Variants in CSMD1 observed in about 807,000 individuals in gnomAD.
CSMD1 encodes CUB and Sushi multiple domains 1.
CSMD1 carries 213 observed loss-of-function variants against 417.5 expected under a neutral mutation model. The ratio of observed to expected loss-of-function variants is 0.51; its 90% CI spans 0.46 to 0.57. The LOEUF is 0.57. Ranked by LOEUF, CSMD1 falls within the 20% of genes least tolerant of loss-of-function variation. CSMD1 has a pLI of 0.00. For synonymous variants in CSMD1, 2,862 were observed against 1,736.8 expected, an observed-to-expected ratio of 1.65 and a Z score of -16.11; for missense variants, 6,923 against 4,529.7, an observed-to-expected ratio of 1.53 and a Z score of -15.17.
At chr8:3,707,818 G>A (rs936171610) in intron 7 of CSMD1, among the ~76,000 whole-genome samples, 1 of 152,168 alleles carries the variant, frequency 6.6e-6, no homozygotes, top group Admixed American at 6.5e-5. Context: ...GAGTGATGAC[G>A]ATGGGCATTT....
At chr8:4,035,958 G>A (rs1479157524) in intron 3 of CSMD1, among the ~76,000 whole-genome samples, 3 of 152,068 alleles carry the variant, frequency 2.0e-5, no homozygotes, top group African/African-American at 4.8e-5. Context: ...CACGGTAAGT[G>A]TCCTATGAGA....
At chr8:3,629,834 C>G (rs149211195) in intron 7 of CSMD1, among the ~76,000 whole-genome samples, 54 of 152,296 alleles carry the variant, frequency 3.5e-4, no homozygotes, top group African/African-American at 1.1e-3. Flanking sequence ...GTCAGAAACA[C>G]AGGGTTTGAT....
intron 49 of CSMD1, among the ~76,000 whole-genome samples, chr8:3,058,623 T>G (rs540419830): frequency 1.3e-5 from 2 of 152,200 alleles, no homozygotes; most frequent in East Asian, 1.9e-4. Context: ...TTCTCAAACA[T>G]TAATGTGCTC....
At chr8:4,241,994 G>C (rs1289875993) in intron 3 of CSMD1, among the ~76,000 whole-genome samples, 2 of 152,216 alleles carry the variant, frequency 1.3e-5, no homozygotes, top group Non-Finnish European at 2.9e-5. Context: ...GTGCTTTAAA[G>C]TAAATGAGAC....
chr8:4,065,339 T>G (rs1799188470), intron 3 of CSMD1, among the ~76,000 whole-genome samples: 2 of 152,340 alleles, frequency 1.3e-5, no homozygotes, highest in African/African-American at 4.8e-5. Flanking sequence ...AGAATAAGGC[T>G]GGTGTTCACC....
chr8:3,206,224 C>CTG (rs993704835), intron 30 of CSMD1, among the ~76,000 whole-genome samples: 4 of 117,510 alleles, frequency 3.4e-5, no homozygotes, highest in African/African-American at 3.4e-5. Flanking sequence ...GTGTGTGTGT[C>CTG]TGTGTGTGTG....
intron 4 of CSMD1, among the ~76,000 whole-genome samples, chr8:4,009,873 G>T (rs753688810): frequency 6.6e-6 from 1 of 151,896 alleles, no homozygotes; most frequent in Non-Finnish European, 1.5e-5. Flanking sequence ...GGGTACTCTC[G>T]TACATCCTTT....
At chr8:4,059,442 C>G (rs929052778) in intron 3 of CSMD1, among the ~76,000 whole-genome samples, 35 of 152,088 alleles carry the variant, frequency 2.3e-4, no homozygotes, top group Non-Finnish European at 4.6e-4. Flanking sequence ...TAACTAAAAT[C>G]AGAGCAGAAC....
In CSMD1 at chr8:3,777,802, C is replaced by T. The variant is rs1482169847; in HGVS notation, c.819-23760G>A. Among the ~76,000 whole-genome samples the T allele has an allele frequency of 2.0e-5, 3 of 148,560 alleles. No homozygotes were observed. The East Asian group carries it at 5.9e-4, about 29-fold the overall frequency. ...CCAGACCCACAGCCTCCTTGAAGCG[C>T]AGAGTCTCAGTTCCCACTCCAGACC... On this transcript the variant is annotated intron_variant, in intron 5 of 69. Transcript: ENST00000635120.
intron 18 of CSMD1, among the ~76,000 whole-genome samples, chr8:3,369,817 C>A (rs185618498): frequency 6.6e-6 from 1 of 152,296 alleles, no homozygotes; most frequent in East Asian, 1.9e-4. Context: ...AAAGTGGCAA[C>A]AATTAGGATG....
At chr8:4,407,437 A>T (rs562709335) in intron 3 of CSMD1, among the ~76,000 whole-genome samples, 1 of 152,236 alleles carries the variant, frequency 6.6e-6, no homozygotes, top group Non-Finnish European at 1.5e-5. Flanking sequence ...ATTGAATTAA[A>T]TGTGATTAAA....
intron 3 of CSMD1, among the ~76,000 whole-genome samples, chr8:4,179,923 A>C (rs1037114779): frequency 1.2e-4 from 19 of 152,144 alleles, no homozygotes; most frequent in Non-Finnish European, 2.4e-4. Context: ...AAAAGTCAGG[A>C]AACAAAAGGT....
chr8:3,652,614 G>T (rs111890042), intron 7 of CSMD1, among the ~76,000 whole-genome samples: 3 of 152,128 alleles, frequency 2.0e-5, no homozygotes, highest in Non-Finnish European at 2.9e-5. Flanking sequence ...AAGAGCTCGC[G>T]CAAGGGAGCT....
At position 3,814,283 on chromosome 8, in the gene CSMD1, A is replaced by G. The variant is rs547144024; in HGVS notation, c.819-60241T>C. On this transcript the variant is annotated intron_variant, in intron 5 of 69. Transcript: ENST00000635120. The stretch of plus-strand genomic sequence containing the variant: ...CTTAGTTCTGAAATTCTGTATCTGA[A>G]TCTTGAGTCATTTGTTCTTTCTACT... 3.3e-5 allele frequency among the ~76,000 whole-genome samples: 5 copies of G among 152,278 alleles called. No homozygotes were observed. In the South Asian group the frequency reaches 1.0e-3, roughly 32 times the overall value.
At position 4,787,327 on chromosome 8, in the gene CSMD1, G is replaced by A. The variant is rs959811490; in HGVS notation, c.86-149769C>T. On this transcript the variant is annotated intron_variant, in intron 1 of 69. Coordinates refer to ENST00000635120, the MANE Select transcript of CSMD1 (RefSeq NM_033225.6). ...GCGGTCGCAGCCCTCAGCCCACTCAGGATAATGGCGACAGCTGAGGTACTG... is the reference window on the plus strand; with the variant it reads ...GCGGTCGCAGCCCTCAGCCCACTCAAGATAATGGCGACAGCTGAGGTACTG... 8 of 726,292 alleles carry A rather than the reference G, an allele frequency of 1.1e-5. No individual in the cohort carries two copies. In the East Asian group the frequency reaches 1.3e-4, roughly 12 times the overall value. 45.0% of individuals were successfully genotyped at this position (726,292 alleles called of 1,614,324 possible).
At chr8:4,747,082 G>A (rs1449821042) in intron 1 of CSMD1, among the ~76,000 whole-genome samples, 1 of 152,154 alleles carries the variant, frequency 6.6e-6, no homozygotes, top group Non-Finnish European at 1.5e-5. Context: ...GGCTAGAGCT[G>A]CCTGCACGAC....
rs1226558312 is a variant in CSMD1 at position 3,493,702 on chromosome 8, A to G, written c.1369T>C (p.Phe457Leu). The change falls in exon 11 of 70, where the codon TTT (phenylalanine) becomes CTT (leucine). Residue 457 changes from phenylalanine to leucine, a missense_variant. Transcript: ENST00000635120. ...DKVIKLAFEE[F>L]ELERGYDTLT... ...GTGTCATAGCCTCGCTCCAGCTCAAACTCTTCAAAGGCAAGCTTGATGACC... is the reference window on the plus strand; with the variant it reads ...GTGTCATAGCCTCGCTCCAGCTCAAGCTCTTCAAAGGCAAGCTTGATGACC... 1 of 1,611,540 alleles carries G rather than the reference A, an allele frequency of 6.2e-7. No individual in the cohort carries two copies. Among genetic ancestry groups the G allele is most frequent in the Admixed American group, 1.7e-5 (1 of 59,792 alleles).
chr8:3,368,268 C>A (rs775785901), intron 19 of CSMD1, among the ~76,000 whole-genome samples: 27 of 152,060 alleles, frequency 1.8e-4, no homozygotes, highest in African/African-American at 4.8e-4. Context: ...CATATTAAGT[C>A]GGGTTCAAAT....
At chr8:4,062,371 T>C (rs1383918403) in intron 3 of CSMD1, among the ~76,000 whole-genome samples, 1 of 152,028 alleles carries the variant, frequency 6.6e-6, no homozygotes, top group Non-Finnish European at 1.5e-5. Flanking sequence ...ACAATGGCTT[T>C]TTCTCAAGCA....
Sources: gnomAD v4.1 joint callset for allele counts (sites outside exome capture counted in the v4.1 genomes callset) on GRCh38, gnomAD v4.1.1 for gene constraint, MANE v1.5 for transcripts, NCBI Gene and HGNC (gene_info 2026-07-23, HGNC 2026-07-21) for gene names.